Variants in GULP1 observed in about 807,000 individuals in gnomAD.
GULP1 encodes PTB domain-containing engulfment adapter protein 1.
GULP1 carries 19 observed loss-of-function variants against 40.9 expected under a neutral mutation model. The ratio of observed to expected loss-of-function variants is 0.46; its 90% confidence interval spans 0.32 to 0.68. The LOEUF (loss-of-function observed/expected upper bound fraction) is 0.68, where lower values mean the gene tolerates loss of function less well. Ranked by LOEUF, GULP1 falls within the 30% of genes least tolerant of loss-of-function variation. The probability of loss-of-function intolerance (pLI) is 0.03; values close to 1 mark genes in which losing one functional copy is unlikely to be tolerated. For missense variants in GULP1, 312 were observed against 362.2 expected (o/e 0.86, Z 1.12); for synonymous variants, 119 against 117.6 (o/e 1.01, Z -0.08).
At chr2:188,354,167 C>T (rs913011402) in intron 1 of GULP1, among the ~76,000 whole-genome samples, 4 of 152,080 alleles carry the variant, frequency 2.6e-5, no homozygotes, top group Admixed American at 1.3e-4. Flanking sequence ...TGCCACTACA[C>T]GTGGCTTCAT....
At chr2:188,437,382 A>G (rs537562916) in intron 2 of GULP1, among the ~76,000 whole-genome samples, 1 of 152,224 alleles carries the variant, frequency 6.6e-6, no homozygotes, top group African/African-American at 2.4e-5. Flanking sequence ...TTCTATTTAG[A>G]GGTGAAAAAG....
intron 4 of GULP1, among the ~76,000 whole-genome samples, chr2:188,484,559 A>ATTAT (rs2061703384): frequency 1.3e-5 from 2 of 152,140 alleles, no homozygotes; most frequent in Admixed American, 1.3e-4. Context: ...TATCTTTATA[A>ATTAT]GAGAACTTAA....
At chr2:188,363,560 G>C (rs1368525762) in intron 1 of GULP1, among the ~76,000 whole-genome samples, 1 of 152,146 alleles carries the variant, frequency 6.6e-6, no homozygotes, top group Non-Finnish European at 1.5e-5. Context: ...GGGGAAAACA[G>C]TGTAGGAATG....
intron 1 of GULP1, among the ~76,000 whole-genome samples, chr2:188,327,586 T>G (rs2040934668): frequency 1.3e-5 from 2 of 152,122 alleles, no homozygotes; most frequent in South Asian, 4.1e-4. Flanking sequence ...ACCCTGCATC[T>G]TATTCACATG....
rs117455617 is a variant in GULP1, at chr2:188,408,038, G to T, written c.-45+24149G>T. ...CCCCAAATTTCATGTTGATAGCTCAGTCCCCAAATTCATATGTTTACTGGA... is the reference window on the plus strand; with the variant it reads ...CCCCAAATTTCATGTTGATAGCTCATTCCCCAAATTCATATGTTTACTGGA... On this transcript the variant is annotated intron_variant, in intron 2 of 11. Transcript: ENST00000409830. 8.5e-4 allele frequency among the ~76,000 whole-genome samples: 130 copies of T among 152,308 alleles called. 2 individuals are homozygous for T. In the East Asian group the frequency reaches 0.02, roughly 24 times the overall value.
rs1704197279 is a variant in GULP1 at position 188,594,790 on chromosome 2, T to C, written c.*779T>C. 6.6e-6 allele frequency: 1 copy of C among 151,732 alleles called. No homozygotes were observed. The highest frequency in any genetic ancestry group is 2.4e-5 in the African/African-American group (1 of 41,418). 9.4% of individuals were successfully genotyped at this position (151,732 alleles called of 1,614,324 possible). ...CATCTAAGCATCATCTGATTTGATA[T>C]TCCCTAAAAAACATTTGGAATATAT... On this transcript the variant is annotated 3_prime_UTR_variant, in exon 12 of 12. Transcript: ENST00000409830.
intron 1 of GULP1, among the ~76,000 whole-genome samples, chr2:188,347,003 G>A (rs566582271): frequency 2.0e-5 from 3 of 151,996 alleles, no homozygotes; most frequent in Admixed American, 6.6e-5. Context: ...CTTTTAGAGA[G>A]TGCATTGTTC....
At chr2:188,299,992 T>G (rs1339144214) in intron 1 of GULP1, among the ~76,000 whole-genome samples, 2 of 152,210 alleles carry the variant, frequency 1.3e-5, no homozygotes, top group South Asian at 2.1e-4. Context: ...GAACTAACCA[T>G]TAGTAATTAC....
chr2:188,365,969 A>T (rs1480491279), intron 1 of GULP1, among the ~76,000 whole-genome samples: 1 of 152,192 alleles, frequency 6.6e-6, no homozygotes, highest in African/African-American at 2.4e-5. Flanking sequence ...TACCAATGCC[A>T]GGGCCAGATA....
At chr2:188,301,804 T>G (rs1574234665) in intron 1 of GULP1, among the ~76,000 whole-genome samples, 2 of 152,190 alleles carry the variant, frequency 1.3e-5, no homozygotes, top group East Asian at 3.9e-4. Context: ...GAATACATGC[T>G]TCTTCAAATT....
chr2:188,309,975 T>G (rs1458911507), intron 1 of GULP1, among the ~76,000 whole-genome samples: 1 of 152,216 alleles, frequency 6.6e-6, no homozygotes, highest in Non-Finnish European at 1.5e-5. Context: ...AAGTCTTAAA[T>G]TCATTAGAAT....
At chr2:188,583,562 A>G (rs1701754226) in intron 9 of GULP1, among the ~76,000 whole-genome samples, 1 of 152,084 alleles carries the variant, frequency 6.6e-6, no homozygotes, top group South Asian at 2.1e-4. Context: ...TTTTCATGAG[A>G]TTTTCATTTA....
chr2:188,329,986 A>G (rs972003626), intron 1 of GULP1, among the ~76,000 whole-genome samples: 33 of 152,224 alleles, frequency 2.2e-4, no homozygotes, highest in African/African-American at 7.9e-4. Flanking sequence ...TAACTTTGAG[A>G]TGCGCCAAAG....
intron 7 of GULP1, among the ~76,000 whole-genome samples, chr2:188,551,257 T>C (rs1019709139): frequency 6.6e-6 from 1 of 151,638 alleles, no homozygotes; most frequent in Non-Finnish European, 1.5e-5. Context: ...CTATCAAACA[T>C]TGAATTTATT....
At position 188,424,065 on chromosome 2, in the gene GULP1, A is replaced by G. The variant is rs1000099694; in HGVS notation, c.-45+40176A>G. ...GCTTAAATGTGCTCTTATTGCAGGAATCATTCTCTGGGCTTGTGGTATAAG... is the reference window on the plus strand; with the variant it reads ...GCTTAAATGTGCTCTTATTGCAGGAGTCATTCTCTGGGCTTGTGGTATAAG... On this transcript the variant is annotated intron_variant, in intron 2 of 11. Transcript: ENST00000409830. Among the ~76,000 whole-genome samples the G allele has an allele frequency of 2.6e-5, 4 of 151,998 alleles. No individual in the cohort carries two copies. The East Asian group carries it at 7.7e-4, about 29-fold the overall frequency.
intron 10 of GULP1, among the ~76,000 whole-genome samples, chr2:188,586,222 T>C (rs975091369): frequency 1.3e-5 from 2 of 152,198 alleles, no homozygotes; most frequent in Non-Finnish European, 2.9e-5. Context: ...GTTTGATAAA[T>C]ATAGACAGAG....
intron 1 of GULP1, among the ~76,000 whole-genome samples, chr2:188,329,779 TG>T (rs2041301864): frequency 6.6e-6 from 1 of 152,034 alleles, no homozygotes; most frequent in African/African-American, 2.4e-5. Context: ...GCAAAGATAG[TG>T]AGAAGCGATG....
At chr2:188,551,138 T>C (rs899052589) in intron 7 of GULP1, among the ~76,000 whole-genome samples, 2 of 151,680 alleles carry the variant, frequency 1.3e-5, no homozygotes, top group Non-Finnish European at 3.0e-5. Flanking sequence ...ATGGAGTAGA[T>C]GTGAAACATT....
chr2:188,556,559 A>T (rs1053304169), intron 7 of GULP1, among the ~76,000 whole-genome samples: 13 of 152,026 alleles, frequency 8.6e-5, no homozygotes, highest in African/African-American at 9.7e-5. Context: ...TTTTATTAAG[A>T]TCTACTGGAG....
Sources: allele counts gnomAD v4.1 joint callset (sites outside exome capture counted in the v4.1 genomes callset), GRCh38; gene constraint gnomAD v4.1.1; transcripts MANE v1.5; gene names NCBI Gene and HGNC (gene_info 2026-07-23, HGNC 2026-07-21).